Variants in EPHB3 observed in about 807,000 individuals in gnomAD.
EPHB3 encodes the protein EPH receptor B3, also known as ephrin type-B receptor 3.
Under a neutral mutation model 100.2 loss-of-function variants are expected in EPHB3, and 33 were observed. The ratio of observed to expected loss-of-function variants is 0.33; its 90% CI spans 0.25 to 0.44. EPHB3 has a LOEUF of 0.44. Among genes scored for constraint, EPHB3 ranks in the 20% least tolerant of loss-of-function variants. EPHB3 has a pLI of 1.00. For synonymous variants in EPHB3, 526 were observed against 554.7 expected, an observed-to-expected ratio of 0.95 and a Z score of 0.73; for missense variants, 1,045 against 1,378.3, an observed-to-expected ratio of 0.76 and a Z score of 3.83.
chr3:184,565,337 A>G lies in EPHB3; in HGVS notation c.118+2984A>G, dbSNP rs1452270500. Among the ~76,000 whole-genome samples the G allele has an allele frequency of 1.3e-5, 2 of 152,090 alleles. No homozygotes were observed. The highest frequency in any genetic ancestry group is 4.8e-5 in the African/African-American group (2 of 41,398). On this transcript the variant is annotated intron_variant, in intron 1 of 15. Coordinates refer to ENST00000330394, the MANE Select transcript of EPHB3 (RefSeq NM_004443.4). The surrounding 1 kb of genome is among the most constrained non-coding windows in gnomAD (Gnocchi z 4.8). Reference sequence around the variant, plus strand: ...AAGCCAAGATTATTCTCCCCTCAGGACCATCAACGGGTCAGGGGGTGGGGT... The same window carrying G: ...AAGCCAAGATTATTCTCCCCTCAGGGCCATCAACGGGTCAGGGGGTGGGGT...
In EPHB3 at chr3:184,570,918, TG is replaced by T. The variant is rs201778593; in HGVS notation, c.119-394del. On this transcript the variant is annotated intron_variant, in intron 1 of 15. Transcript: ENST00000330394. ...TTCAGGACTTGTGGAAAGTGGAGCCTGGGGGGAATCCTTTCCTGAGCCATCT... is the reference window on the plus strand; with the variant it reads ...TTCAGGACTTGTGGAAAGTGGAGCCTGGGGGAATCCTTTCCTGAGCCATCT... Among the ~76,000 whole-genome samples the T allele has an allele frequency of 4.2e-3, 636 of 151,134 alleles. 9 individuals carry two copies. The highest frequency in any genetic ancestry group is 0.014 in the African/African-American group (579 of 41,190).
Position 184,579,985 on chromosome 3 carries a change from C to T in EPHB3, c.2172+51C>T. 1 of 1,576,930 alleles carries T rather than the reference C, an allele frequency of 6.3e-7. No homozygotes were observed. The highest frequency in any genetic ancestry group is 1.2e-5 in the South Asian group (1 of 85,036). Reference sequence around the variant, plus strand: ...CCCTCCCCCAGAGAGTTGGATTGGGCTCACCATCCCCTCCCACAAGTCAGA... The same window carrying T: ...CCCTCCCCCAGAGAGTTGGATTGGGTTCACCATCCCCTCCCACAAGTCAGA... On this transcript the variant is annotated intron_variant, in intron 11 of 15. Coordinates refer to ENST00000330394, the MANE Select transcript of EPHB3 (RefSeq NM_004443.4). This position sits in a 1 kb window ranked among gnomAD's most constrained non-coding sequence, Gnocchi z 5.2.
At chr3:184,568,866 G>A (rs1714463229) in intron 1 of EPHB3, among the ~76,000 whole-genome samples, 1 of 152,190 alleles carries the variant, frequency 6.6e-6, no homozygotes. Context: ...GCTGAGCGAT[G>A]GCCAAGGGCC....
Position 184,580,721 on chromosome 3 carries a change from C to T in EPHB3, c.2389-8C>T, listed in dbSNP as rs770596200. 1.4e-5 allele frequency: 23 copies of T among 1,613,396 alleles called. No individual in the cohort carries two copies. The highest frequency in any genetic ancestry group is 3.3e-5 in the South Asian group (3 of 91,042). On this transcript the variant is annotated splice_region_variant and splice_polypyrimidine_tract_variant and intron_variant, in intron 12 of 15. Coordinates refer to ENST00000330394, the MANE Select transcript of EPHB3 (RefSeq NM_004443.4). ...CACAGGGTGAAGGGCCTGTGCCCCC[C>T]TCACCAGGGCGGGAAGATCCCCATC...
At position 184,581,616 on chromosome 3, in the gene EPHB3, G is replaced by T; in HGVS notation, c.2991G>T (p.Gln997His). ...AGATGAACCAGACGCTGCCTGTGCA[G>T]GTCTGACACCGGCTCCCACGGGGAC... ...RLQMNQTLPVQV is the reference protein window; with the variant it reads ...RLQMNQTLPVHV The change falls in exon 16 of 16, where the codon CAG becomes CAT. Residue 997 changes from glutamine (Q) to histidine (H), a missense_variant. By Grantham distance (24) the Gln-to-His change is conservative (BLOSUM62 0). Transcript: ENST00000330394. The T allele has an allele frequency of 6.2e-7, 1 of 1,609,320 alleles. No individual in the cohort carries two copies. Among genetic ancestry groups the T allele is most frequent in the Non-Finnish European group, 8.5e-7 (1 of 1,177,972 alleles).
In EPHB3 at chr3:184,572,009, A is replaced by G. The variant is rs547938371; in HGVS notation, c.184-495A>G. On this transcript the variant is annotated intron_variant, in intron 2 of 15. Coordinates refer to ENST00000330394, the MANE Select transcript of EPHB3 (RefSeq NM_004443.4). The surrounding 1 kb of genome is among the most constrained non-coding windows in gnomAD (Gnocchi z 6.6). ...GTCGGGACAACAGATGCGGCTCCTC[A>G]TGGAGCTGTTGTGAAGATTGAATGC... Among the ~76,000 whole-genome samples, 3 of 152,266 alleles carry G rather than the reference A, an allele frequency of 2.0e-5. No homozygotes were observed. The highest frequency in any genetic ancestry group is 7.2e-5 in the African/African-American group (3 of 41,552).
rs1714294760 is a variant in EPHB3, at chr3:184,562,921, G to A, written c.118+568G>A. On this transcript the variant is annotated intron_variant, in intron 1 of 15. Transcript: ENST00000330394. This position sits in a 1 kb window ranked among gnomAD's most constrained non-coding sequence, Gnocchi z 4.8. ...GCCAATTACACCCGAGGTGCTGTAT[G>A]GGCGGGCCCCCGCACCCTTTGTGGA... Among the ~76,000 whole-genome samples the A allele has an allele frequency of 6.6e-6, 1 of 152,236 alleles. No individual in the cohort carries two copies. The highest frequency in any genetic ancestry group is 2.1e-4 in the South Asian group (1 of 4,836).
At chr3:184,574,770 G>T (rs955599992) in intron 3 of EPHB3, among the ~76,000 whole-genome samples, 2 of 152,336 alleles carry the variant, frequency 1.3e-5, no homozygotes, top group South Asian at 2.1e-4. Context: ...CTGAAGAGGG[G>T]CTAACACTCT....
chr3:184,574,672 C>CG (rs1301531839), intron 3 of EPHB3, among the ~76,000 whole-genome samples: 1 of 152,156 alleles, frequency 6.6e-6, no homozygotes, highest in African/African-American at 2.4e-5. Context: ...GTGCCTTTCC[C>CG]GGGCCCTCTC....
intron 1 of EPHB3, among the ~76,000 whole-genome samples, chr3:184,566,031 G>A: frequency 6.6e-6 from 1 of 152,224 alleles, no homozygotes; most frequent in East Asian, 1.9e-4. Flanking sequence ...GCAGCTGGGG[G>A]GGGTGAAGGG....
In EPHB3 at chr3:184,569,657, C is replaced by T. The variant is rs989425631; in HGVS notation, c.119-1661C>T. ...GCAGCGGGAGGAGCCTCCCTCCCTGCAGTGAATGGCTGCTGCCTGCAGCCC... is the reference window on the plus strand; with the variant it reads ...GCAGCGGGAGGAGCCTCCCTCCCTGTAGTGAATGGCTGCTGCCTGCAGCCC... On this transcript the variant is annotated intron_variant, in intron 1 of 15. Coordinates refer to ENST00000330394, the MANE Select transcript of EPHB3 (RefSeq NM_004443.4). This position sits in a 1 kb window ranked among gnomAD's most constrained non-coding sequence, Gnocchi z 5.4. 6.6e-6 allele frequency among the ~76,000 whole-genome samples: 1 copy of T among 152,274 alleles called. No individual in the cohort carries two copies. Among genetic ancestry groups the T allele is most frequent in the African/African-American group, 2.4e-5 (1 of 41,474 alleles).
chr3:184,580,607 C>G lies in EPHB3; in HGVS notation c.2378C>G (p.Thr793Ser). ...LEDDPSDPTY[T>S]SSLGGKIPIR... ...GATGACCCCTCCGATCCTACCTACACCAGTTCCCTGGTACAGGAAGCCGCT... is the reference window on the plus strand; with the variant it reads ...GATGACCCCTCCGATCCTACCTACAGCAGTTCCCTGGTACAGGAAGCCGCT... The change falls in exon 12 of 16, where the codon ACC becomes AGC. Residue 793 changes from threonine (T) to serine (S), a missense_variant. By Grantham distance (58) the Thr-to-Ser change is moderately conservative. Coordinates refer to ENST00000330394, the MANE Select transcript of EPHB3 (RefSeq NM_004443.4). 1 of 1,613,652 alleles carries G rather than the reference C, an allele frequency of 6.2e-7. No individual in the cohort carries two copies. Among genetic ancestry groups the G allele is most frequent in the Non-Finnish European group, 8.5e-7 (1 of 1,179,586 alleles).
At chr3:184,580,178 G>A (rs1415877703) in intron 11 of EPHB3, among the ~76,000 whole-genome samples, 1 of 152,226 alleles carries the variant, frequency 6.6e-6, no homozygotes, top group Non-Finnish European at 1.5e-5. Flanking sequence ...CCTGGTTGTA[G>A]AATGGCAGTG....
In EPHB3 at chr3:184,577,154, C is replaced by A. The variant is rs776201525; in HGVS notation, c.1325C>A (p.Ala442Glu). The A allele has an allele frequency of 1.1e-5, 18 of 1,605,976 alleles. No homozygotes were observed. The highest frequency in any genetic ancestry group is 1.5e-5 in the Non-Finnish European group (18 of 1,174,964). The change falls in exon 5 of 16, where the codon GCG (alanine) becomes GAG (glutamate). Residue 442 changes from alanine to glutamate, a missense_variant. By Grantham distance (107) the Ala-to-Glu change is moderately radical (BLOSUM62 -1). Coordinates refer to ENST00000330394, the MANE Select transcript of EPHB3 (RefSeq NM_004443.4). The surrounding 1 kb of genome is among the most constrained non-coding windows in gnomAD (Gnocchi z 4.9). ...AAGAGCCCTCTGCCGCCTCGTTATG[C>A]GGCCGTGAATATCACCACAAACCAG... is the stretch of plus-strand genomic sequence containing the variant. ...SGKSPLPPRY[A>E]AVNITTNQAA...
At position 184,575,933 on chromosome 3, in the gene EPHB3, C is replaced by CACCTG; in HGVS notation, c.960_961insACCTG (p.His321ThrfsTer28). 1 of 1,613,954 alleles carries CACCTG rather than the reference C, an allele frequency of 6.2e-7. No individual in the cohort carries two copies. The highest frequency in any genetic ancestry group is 1.1e-5 in the South Asian group (1 of 91,070). On this transcript the variant is annotated frameshift_variant, in exon 4 of 16. Coordinates refer to ENST00000330394, the MANE Select transcript of EPHB3 (RefSeq NM_004443.4). LOFTEE classifies it high-confidence loss of function. ...CCCCAGCCGCCAGCATCTGCACCTG[C>CACCTG]CACAATAACTTCTACCGTGCAGACT...
At chr3:184,568,339 T>C (rs114717086) in intron 1 of EPHB3, among the ~76,000 whole-genome samples, 5,383 of 152,234 alleles carry the variant, frequency 0.035, 121 homozygotes, top group Non-Finnish European at 0.048. Context: ...GCCAGCCTCT[T>C]CTCCCCTCTG....
rs970539383 is a variant in EPHB3, at chr3:184,563,668, C to T, written c.118+1315C>T. On this transcript the variant is annotated intron_variant, in intron 1 of 15. Coordinates refer to ENST00000330394, the MANE Select transcript of EPHB3 (RefSeq NM_004443.4). This position sits in a 1 kb window ranked among gnomAD's most constrained non-coding sequence, Gnocchi z 4.1. ...AATTCAGACTGACACACCGAGGTCT[C>T]GCCCACACTCGCACACACTCACCCA... Among the ~76,000 whole-genome samples, 5 of 152,304 alleles carry T rather than the reference C, an allele frequency of 3.3e-5. No individual in the cohort carries two copies. The highest frequency in any genetic ancestry group is 9.6e-5 in the African/African-American group (4 of 41,570).
chr3:184,563,716 G>A lies in EPHB3; in HGVS notation c.118+1363G>A, dbSNP rs1453877467. Reference sequence around the variant, plus strand: ...CCACATGTGTGTGATAGGATCGCAGGCGTGAGAACCCAGTGTGGGGCTTTG... The same window carrying A: ...CCACATGTGTGTGATAGGATCGCAGACGTGAGAACCCAGTGTGGGGCTTTG... On this transcript the variant is annotated intron_variant, in intron 1 of 15. Transcript: ENST00000330394. This position sits in a 1 kb window ranked among gnomAD's most constrained non-coding sequence, Gnocchi z 4.1. Among the ~76,000 whole-genome samples, 1 of 152,214 alleles carries A rather than the reference G, an allele frequency of 6.6e-6. No homozygotes were observed. Among genetic ancestry groups the A allele is most frequent in the Non-Finnish European group, 1.5e-5 (1 of 68,036 alleles).
intron 3 of EPHB3, among the ~76,000 whole-genome samples, chr3:184,574,888 C>T (rs1390714057): frequency 6.6e-6 from 1 of 152,224 alleles, no homozygotes; most frequent in African/African-American, 2.4e-5. Flanking sequence ...ATATCACCTT[C>T]GTGAGGGCAG....
Sources: gnomAD v4.1 joint callset for allele counts (sites outside exome capture counted in the v4.1 genomes callset) on GRCh38, gnomAD v4.1.1 for gene constraint, Gnocchi (gnomAD v3.1) non-coding constraint, MANE v1.5 for transcripts, NCBI Gene and HGNC (gene_info 2026-07-23, HGNC 2026-07-21) for gene names.